The following HEMK2 variants were observed in gnomAD, a reference collection of about 807,000 sequenced individuals.
HEMK2 encodes the protein methyltransferase HEMK2.
the HEMK2 span, among the ~76,000 whole-genome samples, chr21:28,669,037 C>A: frequency 6.6e-5 from 10 of 152,120 alleles, no homozygotes; most frequent in Non-Finnish European, 8.8e-5. Flanking sequence ...GGGAAGATGA[C>A]ACAACAACAT....
the HEMK2 span, among the ~76,000 whole-genome samples, chr21:28,819,544 C>CTTTT: frequency 1.1e-4 from 12 of 111,900 alleles, no homozygotes; most frequent in East Asian, 5.3e-4. Flanking sequence ...TTTTCTTTTC[C>CTTTT]TTTTTTTTTT....
the HEMK2 span, among the ~76,000 whole-genome samples, chr21:28,746,888 T>G: frequency 1.3e-5 from 2 of 152,284 alleles, no homozygotes; most frequent in South Asian, 4.1e-4. Context: ...GCCAGGGCTG[T>G]GCAATGAGGT....
At chr21:28,611,374 T>C in the HEMK2 span, among the ~76,000 whole-genome samples, 1 of 152,074 alleles carries the variant, frequency 6.6e-6, no homozygotes, top group Admixed American at 6.5e-5. Flanking sequence ...ACATAACCTA[T>C]CAAAACCTCT....
chr21:28,652,837 A>C, the HEMK2 span, among the ~76,000 whole-genome samples: 1 of 152,146 alleles, frequency 6.6e-6, no homozygotes, highest in Non-Finnish European at 1.5e-5. Context: ...CAGATGGCCA[A>C]GAAAGTGATC....
the HEMK2 span, among the ~76,000 whole-genome samples, chr21:28,655,797 T>C: frequency 6.6e-6 from 1 of 152,126 alleles, no homozygotes; most frequent in Admixed American, 6.6e-5. Flanking sequence ...GGATACTCAA[T>C]GACTGTTTCC....
At chr21:28,717,926 T>C in the HEMK2 span, among the ~76,000 whole-genome samples, 1 of 152,200 alleles carries the variant, frequency 6.6e-6, no homozygotes, top group Non-Finnish European at 1.5e-5. Flanking sequence ...CTCAATTTCA[T>C]TCAGTTCTGC....
chr21:28,601,251 C>T, the HEMK2 span, among the ~76,000 whole-genome samples: 8 of 152,142 alleles, frequency 5.3e-5, no homozygotes, highest in African/African-American at 9.7e-5. Flanking sequence ...TCTCACTGGG[C>T]GCAAACCTCC....
At chr21:28,576,254 C>T in the HEMK2 span, among the ~76,000 whole-genome samples, 2 of 152,206 alleles carry the variant, frequency 1.3e-5, no homozygotes, top group Non-Finnish European at 2.9e-5. Flanking sequence ...ACAGTACTGT[C>T]AGCCCTTTTA....
At chr21:28,756,887 G>T in the HEMK2 span, among the ~76,000 whole-genome samples, 2 of 152,188 alleles carry the variant, frequency 1.3e-5, no homozygotes, top group African/African-American at 4.8e-5. Flanking sequence ...CTCAAGAAGG[G>T]TGTCTAAGAT....
At chr21:28,627,148 G>A in the HEMK2 span, among the ~76,000 whole-genome samples, 2 of 152,094 alleles carry the variant, frequency 1.3e-5, no homozygotes, top group East Asian at 1.9e-4. Context: ...AAGAACATAC[G>A]TAGTATGATT....
At chr21:28,674,274 T>C in the HEMK2 span, among the ~76,000 whole-genome samples, 1 of 152,220 alleles carries the variant, frequency 6.6e-6, no homozygotes, top group East Asian at 1.9e-4. Context: ...CATCAAGAAA[T>C]AACCATAAAA....
the HEMK2 span, among the ~76,000 whole-genome samples, chr21:28,651,337 A>G: frequency 6.6e-6 from 1 of 152,196 alleles, no homozygotes; most frequent in Non-Finnish European, 1.5e-5. Context: ...AGAAGAAACT[A>G]CCAGAAGTGT....
chr21:28,781,680 T>C, the HEMK2 span, among the ~76,000 whole-genome samples: 1,791 of 152,348 alleles, frequency 0.012, 37 homozygotes, highest in African/African-American at 0.041. Flanking sequence ...TGGAACAACA[T>C]GCACAGAGTA....
the HEMK2 span, among the ~76,000 whole-genome samples, chr21:28,680,312 A>G: frequency 2.0e-5 from 3 of 152,256 alleles, no homozygotes; most frequent in East Asian, 3.8e-4. Flanking sequence ...AGAAATGGAT[A>G]AATTCCTCGA....
chr21:28,770,695 G>A, the HEMK2 span, among the ~76,000 whole-genome samples: 99 of 150,704 alleles, frequency 6.6e-4, no homozygotes, highest in African/African-American at 2.3e-3. Context: ...TCTCTCACTC[G>A]CTCTCACCTT....
the HEMK2 span, among the ~76,000 whole-genome samples, chr21:28,681,548 A>C: frequency 6.6e-6 from 1 of 152,024 alleles, no homozygotes; most frequent in Non-Finnish European, 1.5e-5. Flanking sequence ...TTGGAAAAAA[A>C]TACTTTAAAG....
the HEMK2 span, among the ~76,000 whole-genome samples, chr21:28,740,195 C>T: frequency 6.6e-6 from 1 of 152,168 alleles, no homozygotes; most frequent in Non-Finnish European, 1.5e-5. Flanking sequence ...CTACTTAAAG[C>T]CTATCTATAT....
chr21:28,778,729 G>A, the HEMK2 span, among the ~76,000 whole-genome samples: 1 of 152,184 alleles, frequency 6.6e-6, no homozygotes, highest in Non-Finnish European at 1.5e-5. Flanking sequence ...CTTCATTGAA[G>A]TGTTTATTCA....
the HEMK2 span, among the ~76,000 whole-genome samples, chr21:28,650,256 G>A: frequency 1.3e-5 from 2 of 152,290 alleles, no homozygotes; most frequent in South Asian, 2.1e-4. Context: ...TTAGCTGGGC[G>A]TGGTGGCAGG....
Sources: allele counts gnomAD v4.1 joint callset (sites outside exome capture counted in the v4.1 genomes callset), GRCh38; gene constraint gnomAD v4.1.1; transcripts MANE v1.5; gene names NCBI Gene and HGNC (gene_info 2026-07-23, HGNC 2026-07-21).